The following PRPH2 variants were observed in gnomAD, a reference collection of about 807,000 sequenced individuals.
PRPH2 encodes the protein peripherin-2.
In PRPH2, 17 loss-of-function variants were observed where a neutral mutation model predicts 31.3. That is an observed-to-expected ratio of 0.54 (90% CI 0.37 to 0.81). PRPH2 has a LOEUF of 0.81. Ranked by LOEUF, PRPH2 falls within the 40% of genes least tolerant of loss-of-function variation. PRPH2 has a pLI of 0.00. For synonymous variants in PRPH2, 165 were observed against 184.4 expected, an observed-to-expected ratio of 0.89 and a Z score of 0.85; for missense variants, 430 against 439.7, an observed-to-expected ratio of 0.98 and a Z score of 0.20.
chr6:42,710,477 T>A (rs1486181035), intron 1 of PRPH2, among the ~76,000 whole-genome samples: 1 of 152,188 alleles, frequency 6.6e-6, no homozygotes, highest in Non-Finnish European at 1.5e-5. Flanking sequence ...AAACATCATC[T>A]TGTTTACTCA....
intron 1 of PRPH2, among the ~76,000 whole-genome samples, chr6:42,709,080 T>C (rs559758278): frequency 1.4e-4 from 22 of 152,108 alleles, no homozygotes; most frequent in East Asian, 9.7e-4. Context: ...CCTGTAATCC[T>C]AGCACTTTGG....
At chr6:42,712,252 C>T (rs927953056) in intron 1 of PRPH2, among the ~76,000 whole-genome samples, 2 of 152,150 alleles carry the variant, frequency 1.3e-5, no homozygotes, top group Non-Finnish European at 1.5e-5. Flanking sequence ...AACCAAACAA[C>T]CAAATGCAAA....
intron 2 of PRPH2, among the ~76,000 whole-genome samples, chr6:42,701,673 C>A (rs894748320): frequency 3.3e-5 from 3 of 91,498 alleles, no homozygotes; most frequent in African/African-American, 1.1e-4. Flanking sequence ...TGCGCCACCA[C>A]GTCCAGCAAT....
intron 1 of PRPH2, among the ~76,000 whole-genome samples, chr6:42,714,422 T>C (rs1426514046): frequency 2.0e-5 from 3 of 152,232 alleles, no homozygotes; most frequent in African/African-American, 7.2e-5. Context: ...TTGATTGTAA[T>C]GCTGGTTGTC....
intron 1 of PRPH2, among the ~76,000 whole-genome samples, chr6:42,707,022 G>T: frequency 8.4e-6 from 1 of 118,636 alleles, no homozygotes; most frequent in African/African-American, 3.4e-5. Flanking sequence ...GTCTTGCTCT[G>T]TCACCCAGGC....
chr6:42,716,706 C>T (rs1216043691), intron 1 of PRPH2, among the ~76,000 whole-genome samples: 9 of 149,006 alleles, frequency 6.0e-5, no homozygotes, highest in African/African-American at 2.0e-4. Context: ...CTGCAATCTC[C>T]GCCTCCCAGA....
At position 42,698,165 on chromosome 6, in the gene PRPH2, CAG is replaced by C. The variant is rs938573104; in HGVS notation, c.*128_*129del. Reference sequence around the variant, plus strand: ...GGACCCTAAACTTAAATTCCACCGTCAGGGAGAGTCTCTGTAAGATGGTGCCC... The same window carrying C: ...GGACCCTAAACTTAAATTCCACCGTCGGAGAGTCTCTGTAAGATGGTGCCC... On this transcript the variant is annotated 3_prime_UTR_variant, in exon 3 of 3. Coordinates refer to ENST00000230381, the MANE Select transcript of PRPH2 (RefSeq NM_000322.5). The C allele has an allele frequency of 6.3e-6, 8 of 1,276,484 alleles. No individual in the cohort carries two copies. The African/African-American group carries it at 1.2e-4, about 19-fold the overall frequency. 79.1% of individuals were successfully genotyped at this position (1,276,484 alleles called of 1,614,324 possible).
At chr6:42,709,253 C>T (rs566128563) in intron 1 of PRPH2, among the ~76,000 whole-genome samples, 2 of 149,558 alleles carry the variant, frequency 1.3e-5, no homozygotes, top group African/African-American at 5.0e-5. Flanking sequence ...TCACTTGAAC[C>T]AGGGAGGTGG....
At chr6:42,720,851 T>C (rs1761889231) in intron 1 of PRPH2, among the ~76,000 whole-genome samples, 1 of 152,178 alleles carries the variant, frequency 6.6e-6, no homozygotes, top group African/African-American at 2.4e-5. Context: ...CCCAGGTTGG[T>C]GGGTGTGTTG....
At chr6:42,703,990 A>G (rs1800097893) in intron 2 of PRPH2, among the ~76,000 whole-genome samples, 1 of 151,894 alleles carries the variant, frequency 6.6e-6, no homozygotes, top group Non-Finnish European at 1.5e-5. Flanking sequence ...AGTCCCAGCT[A>G]TCGGGAGGCT....
intron 1 of PRPH2, among the ~76,000 whole-genome samples, chr6:42,710,015 A>G (rs2268684): frequency 0.54 from 82,448 of 152,042 alleles, 22,575 homozygotes; most frequent in African/African-American, 0.63. Context: ...GCTCTGAGCC[A>G]CCCTCAGTCT....
At chr6:42,717,237 A>G (rs563804955) in intron 1 of PRPH2, among the ~76,000 whole-genome samples, 1 of 150,866 alleles carries the variant, frequency 6.6e-6, no homozygotes, top group South Asian at 2.1e-4. Context: ...ACATGGTGAA[A>G]CTCAGTCTCT....
At chr6:42,713,919 C>CAAAAAAA (rs55805454) in intron 1 of PRPH2, among the ~76,000 whole-genome samples, 1 of 38,094 alleles carries the variant, frequency 2.6e-5, no homozygotes, top group African/African-American at 9.8e-5. Flanking sequence ...GACTCCATCT[C>CAAAAAAA]AAAAAAAAAA....
At chr6:42,713,566 C>T (rs1056266837) in intron 1 of PRPH2, among the ~76,000 whole-genome samples, 12 of 152,158 alleles carry the variant, frequency 7.9e-5, no homozygotes, top group Non-Finnish European at 1.2e-4. Flanking sequence ...TGTTTTCCAA[C>T]CCTGCATCAT....
chr6:42,699,783 C>T (rs1447309308), intron 2 of PRPH2, among the ~76,000 whole-genome samples: 1 of 152,018 alleles, frequency 6.6e-6, no homozygotes, highest in Non-Finnish European at 1.5e-5. Context: ...GTCCCAGCTA[C>T]CCGGGTACTT....
At chr6:42,713,426 G>A (rs1366955652) in intron 1 of PRPH2, among the ~76,000 whole-genome samples, 1 of 152,118 alleles carries the variant, frequency 6.6e-6, no homozygotes, top group Non-Finnish European at 1.5e-5. Context: ...GGAGGTTGAA[G>A]CCCAGTGACA....
chr6:42,709,344 A>AAAAAC lies in PRPH2; in HGVS notation c.582-4734_582-4733insGTTTT, dbSNP rs1554269600. Among the ~76,000 whole-genome samples the AAAAAC allele has an allele frequency of 4.4e-3, 637 of 144,144 alleles. 16 individuals carry two copies. The highest frequency in any genetic ancestry group is 0.015 in the African/African-American group (584 of 39,286). The allele number at this position is 144,144 out of a possible 152,430, so 94.6% of individuals were successfully genotyped here. ...GACTCTGTCTCAAATTAAAAAAAAA[A>AAAAAC]AAAAAAAAAAACTTGGGTCCAGCCC... is the stretch of plus-strand genomic sequence containing the variant. On this transcript the variant is annotated intron_variant, in intron 1 of 2. Transcript: ENST00000230381.
Position 42,722,070 on chromosome 6 carries a change from C to T in PRPH2, c.265G>A (p.Ala89Thr), listed in dbSNP as rs773254206. The T allele has an allele frequency of 1.2e-6, 2 of 1,614,072 alleles. No homozygotes were observed. Among genetic ancestry groups the T allele is most frequent in the Non-Finnish European group, 1.7e-6 (2 of 1,180,030 alleles). ...GKICYDALDP[A>T]KYARWKPWLK... ...CAGGGCTTCCATCTGGCATACTTGG[C>T]TGGGTCCAGGGCGTCGTAGCAGATC... Residue 89 changes from alanine (A) to threonine (T), a missense_variant, in exon 1 of 3, where the codon GCC becomes ACC. Transcript: ENST00000230381. The surrounding 1 kb of genome is among the most constrained non-coding windows in gnomAD (Gnocchi z 4.4).
At chr6:42,709,243 T>G (rs757390792) in intron 1 of PRPH2, among the ~76,000 whole-genome samples, 16 of 149,508 alleles carry the variant, frequency 1.1e-4, no homozygotes, top group Non-Finnish European at 1.8e-4. Flanking sequence ...GGCAGAAGAA[T>G]CACTTGAACC....
Sources: allele counts gnomAD v4.1 joint callset (sites outside exome capture counted in the v4.1 genomes callset), GRCh38; gene constraint gnomAD v4.1.1; non-coding constraint Gnocchi (gnomAD v3.1); transcripts MANE v1.5; gene names NCBI Gene and HGNC (gene_info 2026-07-23, HGNC 2026-07-21).